ZCCHC2: variants seen among roughly 807,000 people sequenced by gnomAD.
ZCCHC2 encodes zinc finger CCHC domain-containing protein 2.
Under a neutral mutation model 103.6 loss-of-function variants are expected in ZCCHC2, and 39 were observed. The observed-to-expected ratio is 0.38, with a 90% CI of 0.29 to 0.49. The LOEUF (loss-of-function observed/expected upper bound fraction) is 0.49. Ranked by LOEUF, ZCCHC2 falls within the 20% of genes least tolerant of loss-of-function variation. The pLI is 0.96. For missense variants in ZCCHC2, 1,483 were observed against 1,491.0 expected (o/e 0.99, Z 0.09); for synonymous variants, 687 against 608.9 (o/e 1.13, Z -1.89).
At chr18:62,582,561 C>G (rs1598974062), downstream of ZCCHC2, among the ~76,000 whole-genome samples, 4 of 152,264 alleles carry the variant, frequency 2.6e-5, no homozygotes, top group South Asian at 8.3e-4. Context: ...TGCCTGTAAT[C>G]CCAGCTACTC....
chr18:62,554,949 T>C (rs1263567163), intron 5 of ZCCHC2, among the ~76,000 whole-genome samples: 1 of 152,224 alleles, frequency 6.6e-6, no homozygotes, highest in Admixed American at 6.5e-5. Flanking sequence ...ATTAATGATT[T>C]TATAATTAAT....
In ZCCHC2 at chr18:62,558,706, G is replaced by A; in HGVS notation, c.1428G>A (p.Leu476=). The stretch of plus-strand genomic sequence containing the variant: ...CTGCAGATAACTTACAATCCTCTCT[G>A]AAGACTTCTAAGATATTAGAACACT... ...LHSINNLQSS[L]KTSKILEHLK... is the part of the protein sequence containing the mutation. Residue 476 remains leucine (L), a synonymous_variant, in exon 7 of 14, where the codon CTG becomes CTA. Coordinates refer to ENST00000269499, the MANE Select transcript of ZCCHC2 (RefSeq NM_017742.6). The A allele has an allele frequency of 6.5e-7, 1 of 1,538,464 alleles. No individual in the cohort carries two copies. The highest frequency in any genetic ancestry group is 8.8e-7 in the Non-Finnish European group (1 of 1,141,506).
chr18:62,574,095 A>G lies in ZCCHC2; in HGVS notation c.2014A>G (p.Thr672Ala). Residue 672 changes from threonine to alanine, a missense_variant, in exon 13 of 14, where the codon ACA becomes GCA. Physicochemically the swap from Thr to Ala is moderately conservative, Grantham distance 58. Coordinates refer to ENST00000269499, the MANE Select transcript of ZCCHC2 (RefSeq NM_017742.6). ...SNSEDSGNPS[T>A]TRFTGYGSVN... The stretch of plus-strand genomic sequence containing the variant: ...TTCTGAGGATTCTGGGAATCCATCA[A>G]CAACTAGGTTTACAGGTTACGGTTC... 4 of 1,613,926 alleles carry G rather than the reference A, an allele frequency of 2.5e-6. No homozygotes were observed. Among genetic ancestry groups the G allele is most frequent in the East Asian group, 2.2e-5 (1 of 44,886 alleles).
Position 62,523,721 on chromosome 18 carries a change from C to G in ZCCHC2, c.297C>G (p.Tyr99Ter). 1.3e-6 allele frequency: 2 copies of G among 1,515,748 alleles called. No homozygotes were observed. Among genetic ancestry groups the G allele is most frequent in the Non-Finnish European group, 1.8e-6 (2 of 1,139,862 alleles). The allele number at this position is 1,515,748 out of a possible 1,614,324, so 93.9% of individuals were successfully genotyped here. The change falls in exon 1 of 14, where the codon TAC (tyrosine) becomes TAG (stop). Residue 99 changes from tyrosine (Y) to a stop codon, truncating the protein, a stop_gained. Transcript: ENST00000269499. LOFTEE classifies it high-confidence loss of function. ...CGCTGCGCGAGCAGGAGCGGGTATA[C>G]GAGTGGTTCGGGCTGGTGCTGGGCT... ...SAALREQERV[Y>*]EWFGLVLGSA...
intron 6 of ZCCHC2, among the ~76,000 whole-genome samples, chr18:62,557,204 A>G (rs1225516439): frequency 6.6e-6 from 1 of 152,082 alleles, no homozygotes; most frequent in African/African-American, 2.4e-5. Context: ...TTAATTTTCT[A>G]CACATCTACC....
At chr18:62,542,466 G>C (rs764102482) in intron 2 of ZCCHC2, 32 bp from the exon 3 acceptor site, 1 of 1,533,360 alleles carries the variant, frequency 6.5e-7, no homozygotes, top group Middle Eastern at 1.7e-4. Flanking sequence ...AGTCTTTGTA[G>C]CACAAGTCAC....
At chr18:62,539,104 C>T (rs1915062179) in intron 1 of ZCCHC2, among the ~76,000 whole-genome samples, 1 of 152,174 alleles carries the variant, frequency 6.6e-6, no homozygotes, top group Non-Finnish European at 1.5e-5. Flanking sequence ...ATCTAGGAGT[C>T]AAAGTTACCC....
At chr18:62,555,943 C>T (rs1915867271) in intron 5 of ZCCHC2, among the ~76,000 whole-genome samples, 1 of 152,042 alleles carries the variant, frequency 6.6e-6, no homozygotes, top group South Asian at 2.1e-4. Context: ...CATTTTTGGG[C>T]CAGTATTGAA....
intron 5 of ZCCHC2, among the ~76,000 whole-genome samples, chr18:62,555,669 G>A (rs563694425): frequency 2.0e-5 from 3 of 152,256 alleles, no homozygotes; most frequent in Middle Eastern, 6.8e-3. Context: ...TTAGCCAGGC[G>A]TGGTGGCACA....
rs558674770 is a variant in ZCCHC2, at chr18:62,523,872, G to A, written c.448G>A (p.Ala150Thr). The A allele has an allele frequency of 5.0e-4, 777 of 1,543,516 alleles. 3 individuals are homozygous for A. The highest frequency in any genetic ancestry group is 3.4e-4 in the Non-Finnish European group (391 of 1,146,038). ...KDYHYLRDSEAKANGLSDPGP... is the reference protein window; with the variant it reads ...KDYHYLRDSETKANGLSDPGP... The stretch of plus-strand genomic sequence containing the variant: ...CTACCACTACCTGCGCGACTCGGAG[G>A]CCAAGGCCAACGGCCTCTCGGACCC... The change falls in exon 1 of 14, where the codon GCC becomes ACC. Residue 150 changes from alanine (A) to threonine (T), a missense_variant. This residue lies in a region of ZCCHC2 where 568 missense variants were observed against 525.1 expected (regional missense o/e 1.08). Coordinates refer to ENST00000269499, the MANE Select transcript of ZCCHC2 (RefSeq NM_017742.6).
Position 62,564,581 on chromosome 18 carries a change from A to G in ZCCHC2, c.1697A>G (p.Glu566Gly). ...CVTSADQHSA[E>G]KRSLSSINKK... ...TATTCTTTCTACTAGCATTCTGCTG[A>G]AAAACGGAGTTTATCTTCAATAAAT... is the stretch of plus-strand genomic sequence containing the variant. The change falls in exon 10 of 14, where the codon GAA (glutamate) becomes GGA (glycine). Residue 566 changes from glutamate (E) to glycine (G), a missense_variant. This residue lies in a region of ZCCHC2 where 884 missense variants were observed against 907.5 expected (regional missense o/e 0.97). Transcript: ENST00000269499. The G allele has an allele frequency of 6.5e-7, 1 of 1,539,408 alleles. No homozygotes were observed. The highest frequency in any genetic ancestry group is 1.4e-5 in the African/African-American group (1 of 72,696).
At chr18:62,565,360 AG>A (rs1052468638) in intron 11 of ZCCHC2, among the ~76,000 whole-genome samples, 10 of 152,026 alleles carry the variant, frequency 6.6e-5, no homozygotes, top group Admixed American at 6.5e-4. Context: ...GGAGTCTCCC[AG>A]GTTGTTCTTC....
intron 8 of ZCCHC2, 70 bp from the exon 9 acceptor site, chr18:62,562,936 ACTT>A: frequency 6.6e-7 from 1 of 1,519,316 alleles, no homozygotes; most frequent in Admixed American, 1.8e-5. Context: ...GGTTACTGTA[ACTT>A]CTTTGTTGAA....
intron 2 of ZCCHC2, among the ~76,000 whole-genome samples, chr18:62,541,323 A>C (rs999885377): frequency 2.6e-5 from 4 of 152,204 alleles, no homozygotes; most frequent in Middle Eastern, 3.2e-3. Flanking sequence ...AAATACTGGT[A>C]ATGTTATATC....
Position 62,523,670 on chromosome 18 carries a change from GGGC to G in ZCCHC2, c.255_257del (p.Gly87del), listed in dbSNP as rs765173906. ...GAGCGGCGGCGGGGGCGGGTATGCC[GGGC>G]GGCGGCGGGGGGCCCTCGGCGGCGC... On this transcript the variant is annotated inframe_deletion, in exon 1 of 14. Coordinates refer to ENST00000269499, the MANE Select transcript of ZCCHC2 (RefSeq NM_017742.6). 7.4e-7 allele frequency: 1 copy of G among 1,360,228 alleles called. No homozygotes were observed. Among genetic ancestry groups the G allele is most frequent in the South Asian group, 1.8e-5 (1 of 56,012 alleles). 84.3% of individuals were successfully genotyped at this position (1,360,228 alleles called of 1,614,324 possible).
At chr18:62,578,919 C>T (rs1916965639), downstream of ZCCHC2, among the ~76,000 whole-genome samples, 1 of 152,142 alleles carries the variant, frequency 6.6e-6, no homozygotes, top group African/African-American at 2.4e-5. Flanking sequence ...AGGTATGTAC[C>T]ATGACACCCA....
exon 15 of ZCCHC2, chr18:62,585,742 CACAT>C (rs1245412927): frequency 6.6e-6 from 1 of 152,242 alleles, no homozygotes; most frequent in African/African-American, 2.4e-5. Flanking sequence ...CAATGTCTGA[CACAT>C]AGTGGACTCT....
intron 4 of ZCCHC2, among the ~76,000 whole-genome samples, chr18:62,549,676 G>C (rs1915579936): frequency 6.6e-6 from 1 of 152,120 alleles, no homozygotes; most frequent in African/African-American, 2.4e-5. Flanking sequence ...AAAGTAAACT[G>C]GTTAAATTTT....
chr18:62,557,382 C>T (rs796696290), intron 6 of ZCCHC2, among the ~76,000 whole-genome samples: 4 of 152,274 alleles, frequency 2.6e-5, no homozygotes, highest in African/African-American at 9.6e-5. Flanking sequence ...GAAAGAAAAA[C>T]ACATATTTCC....
Sources: allele counts gnomAD v4.1 joint callset (sites outside exome capture counted in the v4.1 genomes callset), GRCh38; gene constraint gnomAD v4.1.1; regional missense constraint gnomAD v4.1.1; transcripts MANE v1.5; gene names NCBI Gene and HGNC (gene_info 2026-07-23, HGNC 2026-07-21).